Variants in DNM3 observed in about 807,000 individuals in gnomAD.
The protein encoded by DNM3 is dynamin 3, also known as dynamin-3.
Under a neutral mutation model 101.6 loss-of-function variants are expected in DNM3, and 47 were observed. The observed-to-expected ratio is 0.46, with a 90% CI of 0.37 to 0.59. The LOEUF (loss-of-function observed/expected upper bound fraction) is 0.59, where lower values mean the gene tolerates loss of function less well. Ranked by LOEUF, DNM3 falls within the 20% of genes least tolerant of loss-of-function variation. DNM3 has a pLI of 0.00. For missense variants in DNM3, 849 were observed against 1,085.7 expected (o/e 0.78, Z 3.06); for synonymous variants, 385 against 387.9 (o/e 0.99, Z 0.09).
At chr1:172,138,317 T>A (rs1014941226) in intron 14 of DNM3, 1 of 150,418 alleles carries the variant, frequency 6.6e-6, no homozygotes, top group Non-Finnish European at 1.5e-5. Context: ...TTTTCTCCCT[T>A]TTCTTTTCTC....
At chr1:171,984,173 C>T (rs529202237) in intron 2 of DNM3, among the ~76,000 whole-genome samples, 31 of 152,242 alleles carry the variant, frequency 2.0e-4, no homozygotes, top group African/African-American at 1.4e-4. Context: ...CAGCTCTCCC[C>T]GGGATGATTT....
At chr1:172,234,933 G>A (rs2061479971) in intron 14 of DNM3, among the ~76,000 whole-genome samples, 1 of 152,206 alleles carries the variant, frequency 6.6e-6, no homozygotes, top group South Asian at 2.1e-4. Context: ...TCAGGACACA[G>A]GCATGGGCAA....
intron 1 of DNM3, among the ~76,000 whole-genome samples, chr1:171,847,569 T>C (rs573961343): frequency 6.6e-6 from 1 of 152,246 alleles, no homozygotes; most frequent in African/African-American, 2.4e-5. Flanking sequence ...ATTAAAAATA[T>C]AACTGGATGC....
At chr1:172,359,901 A>C (rs1161564154) in intron 17 of DNM3, among the ~76,000 whole-genome samples, 1 of 151,998 alleles carries the variant, frequency 6.6e-6, no homozygotes, top group South Asian at 2.1e-4. Context: ...TGCAAGCTCC[A>C]CATGACTGGA....
rs947367175 is a variant in DNM3 at position 172,073,195 on chromosome 1, A to C, written c.1422+4290A>C. Reference sequence around the variant, plus strand: ...ACACATATATGTATATATAGTGTATATATACATGTACATATATGTATGTAT... The same window carrying C: ...ACACATATATGTATATATAGTGTATCTATACATGTACATATATGTATGTAT... On this transcript the variant is annotated intron_variant, in intron 11 of 20. Transcript: ENST00000627582. Among the ~76,000 whole-genome samples, 4 of 152,120 alleles carry C rather than the reference A, an allele frequency of 2.6e-5. No homozygotes were observed. The South Asian group carries it at 6.2e-4, about 24-fold the overall frequency.
At position 171,875,324 on chromosome 1, in the gene DNM3, A is replaced by G. The variant is rs532305707; in HGVS notation, c.161+33507A>G. On this transcript the variant is annotated intron_variant, in intron 1 of 20. Transcript: ENST00000627582. ...CTTCCCTTTCCTCTGCAGGCTTGCC[A>G]GCATCTTATTCAGCCACTTCTAGAG... is the stretch of plus-strand genomic sequence containing the variant. Among the ~76,000 whole-genome samples the G allele has an allele frequency of 3.0e-3, 462 of 152,316 alleles. 3 individuals carry two copies. Among genetic ancestry groups the G allele is most frequent in the Non-Finnish European group, 5.7e-3 (390 of 68,002 alleles).
chr1:172,231,407 C>A (rs936549957), intron 14 of DNM3, among the ~76,000 whole-genome samples: 1 of 152,138 alleles, frequency 6.6e-6, no homozygotes, highest in South Asian at 2.1e-4. Context: ...GGAAAACTAA[C>A]AAACAGAAAG....
intron 20 of DNM3, among the ~76,000 whole-genome samples, chr1:172,404,867 A>T (rs2070764556): frequency 6.6e-6 from 1 of 152,112 alleles, no homozygotes; most frequent in Non-Finnish European, 1.5e-5. Flanking sequence ...TTCTGAATAG[A>T]TGCTGAGCTC....
In DNM3 at chr1:172,062,233, G is replaced by C. The variant is rs2051290699; in HGVS notation, c.1336-6586G>C. On this transcript the variant is annotated intron_variant, in intron 10 of 20. Coordinates refer to ENST00000627582, the MANE Select transcript of DNM3 (RefSeq NM_015569.5). The stretch of plus-strand genomic sequence containing the variant: ...TGTCTACCAGAGATAAACTTGGGAA[G>C]AGAGAGATAAAAATCTGGTTATGAT... 2.6e-5 allele frequency among the ~76,000 whole-genome samples: 4 copies of C among 152,238 alleles called. No individual in the cohort carries two copies. In the South Asian group the frequency reaches 8.3e-4, roughly 32 times the overall value.
chr1:172,298,597 G>C (rs2064275666), intron 15 of DNM3, among the ~76,000 whole-genome samples: 1 of 152,036 alleles, frequency 6.6e-6, no homozygotes, highest in African/African-American at 2.4e-5. Flanking sequence ...GTCTACCTGA[G>C]TACCACTCCC....
chr1:171,988,718 T>A (rs1156733766), intron 3 of DNM3, among the ~76,000 whole-genome samples: 1 of 152,164 alleles, frequency 6.6e-6, no homozygotes, highest in Non-Finnish European at 1.5e-5. Context: ...TGCAAATCAG[T>A]GCCTTTCAAA....
intron 17 of DNM3, among the ~76,000 whole-genome samples, chr1:172,364,063 T>C (rs1322529375): frequency 6.6e-6 from 1 of 151,982 alleles, no homozygotes; most frequent in African/African-American, 2.4e-5. Flanking sequence ...TATGACACAT[T>C]GTTTTTGGCC....
chr1:172,120,829 C>T (rs1216145276), intron 13 of DNM3, among the ~76,000 whole-genome samples: 1 of 152,166 alleles, frequency 6.6e-6, no homozygotes, highest in East Asian at 1.9e-4. Flanking sequence ...TCTATAAGCT[C>T]CATGGAGGTT....
chr1:172,304,221 A>AC (rs2064652297), intron 15 of DNM3, among the ~76,000 whole-genome samples: 1 of 142,082 alleles, frequency 7.0e-6, no homozygotes, highest in Admixed American at 6.9e-5. Context: ...AAAAAAAAAA[A>AC]ACAGGAGTTG....
chr1:172,113,855 CT>C (rs2055692790), intron 13 of DNM3, among the ~76,000 whole-genome samples: 1 of 152,042 alleles, frequency 6.6e-6, no homozygotes, highest in Non-Finnish European at 1.5e-5. Context: ...TTGTGAGTGT[CT>C]TTTCTTCTTA....
Position 172,053,569 on chromosome 1 carries a change from C to G in DNM3, c.1335+4819C>G, listed in dbSNP as rs147625054. Among the ~76,000 whole-genome samples, 20 of 152,106 alleles carry G rather than the reference C, an allele frequency of 1.3e-4. No individual in the cohort carries two copies. In the East Asian group the frequency reaches 3.9e-3, roughly 29 times the overall value. ...AAAAAAAAGGCGCTGTGTTTTTTAT[C>G]TTCTCTCTAGCCTGTAACACAGTGA... On this transcript the variant is annotated intron_variant, in intron 10 of 20. Coordinates refer to ENST00000627582, the MANE Select transcript of DNM3 (RefSeq NM_015569.5).
chr1:172,219,021 T>C (rs2060806507), intron 14 of DNM3, among the ~76,000 whole-genome samples: 1 of 152,048 alleles, frequency 6.6e-6, no homozygotes, highest in Non-Finnish European at 1.5e-5. Flanking sequence ...GCCTTGAGTT[T>C]ATGTAATGTG....
At chr1:172,168,661 A>G (rs1424300033) in intron 14 of DNM3, among the ~76,000 whole-genome samples, 1 of 151,904 alleles carries the variant, frequency 6.6e-6, no homozygotes, top group Non-Finnish European at 1.5e-5. Flanking sequence ...TCTTTGCCTC[A>G]CTGGAAATAT....
intron 15 of DNM3, among the ~76,000 whole-genome samples, chr1:172,296,928 A>T (rs1004691179): frequency 6.6e-6 from 1 of 152,166 alleles, no homozygotes; most frequent in Non-Finnish European, 1.5e-5. Context: ...TGATCACCTG[A>T]GGTCAGGAGT....
Sources: allele counts gnomAD v4.1 joint callset (sites outside exome capture counted in the v4.1 genomes callset), GRCh38; gene constraint gnomAD v4.1.1; transcripts MANE v1.5; gene names NCBI Gene and HGNC (gene_info 2026-07-23, HGNC 2026-07-21).